PDE4A: variants seen among roughly 807,000 people sequenced by gnomAD.
The protein encoded by PDE4A is 3',5'-cyclic-AMP phosphodiesterase 4A.
Under a neutral mutation model 73.9 loss-of-function variants are expected in PDE4A, and 21 were observed. The observed-to-expected ratio is 0.28, with a 90% CI of 0.20 to 0.41. The LOEUF is 0.41. Among genes scored for constraint, PDE4A ranks in the 10% least tolerant of loss-of-function variants. The pLI, the probability that PDE4A is intolerant of heterozygous loss-of-function variation, is 1.00. For missense variants in PDE4A, 958 were observed against 1,211.4 expected (o/e 0.79, Z 3.10); for synonymous variants, 463 against 505.4 (o/e 0.92, Z 1.13).
chr19:10,426,905 T>C lies in PDE4A; in HGVS notation c.320+5821T>C, dbSNP rs1599401920. Among the ~76,000 whole-genome samples the C allele has an allele frequency of 2.0e-5, 3 of 150,698 alleles. 1 individual carries two copies. In the South Asian group the frequency reaches 6.3e-4, roughly 32 times the overall value. On this transcript the variant is annotated intron_variant, in intron 1 of 14. Transcript: ENST00000380702. Reference sequence around the variant, plus strand: ...AGAAATAGCAAGTAAAGCTGTATGATAATTCAAGATGGTCACACATAGGAT... The same window carrying C: ...AGAAATAGCAAGTAAAGCTGTATGACAATTCAAGATGGTCACACATAGGAT...
At chr19:10,450,762 G>C in intron 5 of PDE4A, 67 bp from the exon 6 acceptor site, 1 of 1,578,236 alleles carries the variant, frequency 6.3e-7, no homozygotes, top group African/African-American at 1.3e-5. Context: ...CCGTCACGGC[G>C]GTCTGGAGCC....
chr19:10,450,733 T>C, intron 5 of PDE4A, 81 bp downstream of exon 5: 1 of 1,584,474 alleles, frequency 6.3e-7, no homozygotes, highest in Non-Finnish European at 8.6e-7. Flanking sequence ...CACCCAGCAG[T>C]CCACTCACCT....
At chr19:10,435,217 G>A (rs73923221) in intron 1 of PDE4A, among the ~76,000 whole-genome samples, 25,363 of 151,862 alleles carry the variant, frequency 0.17, 2,489 homozygotes, top group African/African-American at 0.26. Context: ...TAGGGGCCAC[G>A]TGGAGGGGGA....
intron 14 of PDE4A, among the ~76,000 whole-genome samples, chr19:10,465,650 A>T (rs2043354124): frequency 7.4e-6 from 1 of 135,086 alleles, no homozygotes; most frequent in Admixed American, 7.7e-5. Flanking sequence ...TTATGTTCAT[A>T]GGCAACTTCA....
chr19:10,461,956 G>A lies in PDE4A; in HGVS notation c.1700G>A (p.Ser567Asn). The change falls in exon 13 of 15, where the codon AGC becomes AAC. Residue 567 changes from serine to asparagine, a missense_variant. Transcript: ENST00000380702. ...ATGGTGGAGACCAAGAAAGTGACCA[G>A]CTCAGGGGTCCTCCTGCTAGATAAC... ...KTMVETKKVTSSGVLLLDNYS... is the reference protein window; with the variant it reads ...KTMVETKKVTNSGVLLLDNYS... The A allele has an allele frequency of 6.2e-7, 1 of 1,614,088 alleles. No individual in the cohort carries two copies. Among genetic ancestry groups the A allele is most frequent in the Non-Finnish European group, 8.5e-7 (1 of 1,180,002 alleles).
chr19:10,448,102 CTCTT>C (rs2043037466), intron 2 of PDE4A, among the ~76,000 whole-genome samples: 1 of 150,758 alleles, frequency 6.6e-6, no homozygotes, highest in South Asian at 2.1e-4. Flanking sequence ...TTTTATCTCT[CTCTT>C]TTTTTTTTTT....
Position 10,450,640 on chromosome 19 carries a change from G to C in PDE4A, c.658G>C (p.Ala220Pro). Reference protein sequence around the residue: ...PLGGPTPVCKATLSEETCQQL... With the variant: ...PLGGPTPVCKPTLSEETCQQL... ...GGGCGGCCCCACCCCTGTCTGCAAGGCCACGCTGTCAGGTAGCTAAGCCCA... is the reference window on the plus strand; with the variant it reads ...GGGCGGCCCCACCCCTGTCTGCAAGCCCACGCTGTCAGGTAGCTAAGCCCA... The change falls in exon 5 of 15, where the codon GCC (alanine) becomes CCC (proline). Residue 220 changes from alanine (A) to proline (P), a missense_variant. This residue lies in a region of PDE4A where 570 missense variants were observed against 827.7 expected (regional missense o/e 0.69). Coordinates refer to ENST00000380702, the MANE Select transcript of PDE4A (RefSeq NM_001111307.2). 1.2e-6 allele frequency: 2 copies of C among 1,609,998 alleles called. No homozygotes were observed. Among genetic ancestry groups the C allele is most frequent in the Non-Finnish European group, 1.7e-6 (2 of 1,178,702 alleles).
chr19:10,454,831 C>T lies in PDE4A; in HGVS notation c.786C>T (p.Phe262=). ...RSVSEMASHK[F]KRMLNRELTH... The stretch of plus-strand genomic sequence containing the variant: ...CCTTGTTGACTCCTTTACCTTAGTT[C>T]AAAAGGATGTTGAACCGTGAGCTCA... The change falls in exon 7 of 15, where the codon TTC becomes TTT. Residue 262 remains phenylalanine, a splice_region_variant and synonymous_variant. Transcript: ENST00000380702. The T allele has an allele frequency of 6.2e-7, 1 of 1,614,022 alleles. No homozygotes were observed. Among genetic ancestry groups the T allele is most frequent in the East Asian group, 2.2e-5 (1 of 44,872 alleles).
chr19:10,423,961 G>A lies in PDE4A; in HGVS notation c.320+2877G>A, dbSNP rs76829093. Among the ~76,000 whole-genome samples the A allele has an allele frequency of 5.1e-3, 774 of 152,324 alleles. 14 individuals are homozygous for A. The highest frequency in any genetic ancestry group is 0.03 in the East Asian group (157 of 5,178). ...ATGGCAACCTCAATGCTTAGAACAG[G>A]CATTTCTTCAAAAAGGGGGTTTTTA... is the stretch of plus-strand genomic sequence containing the variant. On this transcript the variant is annotated intron_variant, in intron 1 of 14. Coordinates refer to ENST00000380702, the MANE Select transcript of PDE4A (RefSeq NM_001111307.2).
chr19:10,441,573 C>G lies in PDE4A; in HGVS notation c.321-4645C>G, dbSNP rs571024913. Among the ~76,000 whole-genome samples, 5 of 152,102 alleles carry G rather than the reference C, an allele frequency of 3.3e-5. No homozygotes were observed. The East Asian group carries it at 9.6e-4, about 29-fold the overall frequency. The stretch of plus-strand genomic sequence containing the variant: ...GTCCACTTGTTTGTTATTGTTGTTG[C>G]CTGTGCTTTGGTGTCAAATTCAAGA... On this transcript the variant is annotated intron_variant, in intron 1 of 14. Coordinates refer to ENST00000380702, the MANE Select transcript of PDE4A (RefSeq NM_001111307.2).
At chr19:10,440,033 G>A (rs905791330) in intron 1 of PDE4A, among the ~76,000 whole-genome samples, 1 of 141,136 alleles carries the variant, frequency 7.1e-6, no homozygotes, top group Non-Finnish European at 1.5e-5. Flanking sequence ...CACCCAGGCT[G>A]GAGTGCAGTG....
In PDE4A at chr19:10,468,482, C is replaced by CCCCCCCG. The variant is rs1193709319; in HGVS notation, c.*873_*879dup. ...TGGGGCAGTGGCTCTGATCCACTCA[C>CCCCCCCG]CCCCCCGCCCCCCGCCCCACTTCTA... On this transcript the variant is annotated 3_prime_UTR_variant, in exon 15 of 15. Coordinates refer to ENST00000380702, the MANE Select transcript of PDE4A (RefSeq NM_001111307.2). 2 of 132,858 alleles carry CCCCCCCG rather than the reference C, an allele frequency of 1.5e-5. No homozygotes were observed. The highest frequency in any genetic ancestry group is 3.6e-3 in the Middle Eastern group (1 of 274). The allele number at this position is 132,858 out of a possible 1,614,324, so 8.2% of individuals were successfully genotyped here.
rs1363574099 is a variant in PDE4A, at chr19:10,424,147, T to G, written c.320+3063T>G. 6.6e-6 allele frequency among the ~76,000 whole-genome samples: 1 copy of G among 152,050 alleles called. No individual in the cohort carries two copies. The highest frequency in any genetic ancestry group is 1.5e-5 in the Non-Finnish European group (1 of 67,990). On this transcript the variant is annotated intron_variant, in intron 1 of 14. Coordinates refer to ENST00000380702, the MANE Select transcript of PDE4A (RefSeq NM_001111307.2). The surrounding 1 kb of genome is among the most constrained non-coding windows in gnomAD (Gnocchi z 4.8). ...GTCATCCAAACCTCCCCTCCAGACC[T>G]GAAGATGTATGAGACGGCTGAGTCA...
At chr19:10,448,136 T>C (rs2145533212) in intron 2 of PDE4A, among the ~76,000 whole-genome samples, 1 of 150,812 alleles carries the variant, frequency 6.6e-6, no homozygotes, top group South Asian at 2.1e-4. Flanking sequence ...AATCTTGCTC[T>C]GTCACCAGGC....
intron 2 of PDE4A, 63 bp from the exon 3 acceptor site, chr19:10,448,854 G>T: frequency 6.2e-7 from 1 of 1,608,492 alleles, no homozygotes; most frequent in South Asian, 1.1e-5. Flanking sequence ...AGCCTCACAG[G>T]GCATCTACCC....
rs758350210 is a variant in PDE4A, at chr19:10,467,187, G to A, written c.2227G>A (p.Glu743Lys). The stretch of plus-strand genomic sequence containing the variant: ...GACTGCGCAGGGATTGTCAGGAGTC[G>A]AGGAAGCTCTGGATGCAACCATAGC... ...ALTAQGLSGV[E>K]EALDATIAWE... Residue 743 changes from glutamate to lysine, a missense_variant, in exon 15 of 15, where the codon GAG (glutamate) becomes AAG (lysine). Around this residue, in one of 3 missense-constraint regions of PDE4A, gnomAD observed 243 missense variants for 245.9 expected, o/e 0.99. Coordinates refer to ENST00000380702, the MANE Select transcript of PDE4A (RefSeq NM_001111307.2). 10 of 1,614,010 alleles carry A rather than the reference G, an allele frequency of 6.2e-6. No homozygotes were observed. Among genetic ancestry groups the A allele is most frequent in the Admixed American group, 3.3e-5 (2 of 59,976 alleles).
At chr19:10,459,868 C>A in intron 10 of PDE4A, 109 bp downstream of exon 10, 1 of 1,244,106 alleles carries the variant, frequency 8.0e-7, no homozygotes, top group Non-Finnish European at 1.1e-6. Context: ...CTCTCTTTGA[C>A]GCCATTTCTC....
chr19:10,454,468 C>G (rs958732750), intron 6 of PDE4A, among the ~76,000 whole-genome samples: 3 of 152,194 alleles, frequency 2.0e-5, no homozygotes, highest in Non-Finnish European at 2.9e-5. Flanking sequence ...AGGAGACTCC[C>G]ATCGCCATGG....
upstream of PDE4A, among the ~76,000 whole-genome samples, chr19:10,418,296 A>G (rs1213186980): frequency 6.6e-6 from 1 of 152,178 alleles, no homozygotes; most frequent in Admixed American, 6.5e-5. Flanking sequence ...TGTGAGAAAT[A>G]TCTGCGAGCT....
Sources: gnomAD v4.1 joint callset for allele counts (sites outside exome capture counted in the v4.1 genomes callset) on GRCh38, gnomAD v4.1.1 for gene constraint, gnomAD v4.1.1 regional missense constraint, Gnocchi (gnomAD v3.1) non-coding constraint, MANE v1.5 for transcripts, NCBI Gene and HGNC (gene_info 2026-07-23, HGNC 2026-07-21) for gene names.